The following RAB11FIP4 variants were observed in gnomAD, a reference collection of about 807,000 sequenced individuals.
RAB11FIP4 encodes the protein rab11 family-interacting protein 4.
A neutral mutation model predicts 74.3 loss-of-function variants in RAB11FIP4; 23 were observed. The ratio of observed to expected loss-of-function variants is 0.31; its 90% CI spans 0.22 to 0.44. The LOEUF (loss-of-function observed/expected upper bound fraction) is 0.44. RAB11FIP4 is among the 20% of genes least tolerant of loss of function. The pLI is 1.00. For missense variants in RAB11FIP4, 630 were observed against 863.9 expected (o/e 0.73, Z 3.39); for synonymous variants, 360 against 359.9 (o/e 1.00, Z 0.00).
At chr17:31,463,938 G>T (rs78400003) in intron 3 of RAB11FIP4, among the ~76,000 whole-genome samples, 2,481 of 145,018 alleles carry the variant, frequency 0.017, 86 homozygotes, top group East Asian at 0.16. Context: ...TCTGCCTAAT[G>T]AGTAGCTGGG....
chr17:31,400,484 G>T (rs955803744), intron 1 of RAB11FIP4, among the ~76,000 whole-genome samples: 2 of 152,182 alleles, frequency 1.3e-5, no homozygotes, highest in Non-Finnish European at 2.9e-5. Flanking sequence ...GAGCGGAGGA[G>T]ATACAGGATC....
At chr17:31,461,309 C>A (rs1567663864) in intron 3 of RAB11FIP4, among the ~76,000 whole-genome samples, 2 of 152,160 alleles carry the variant, frequency 1.3e-5, no homozygotes, top group African/African-American at 4.8e-5. Context: ...CCCTACAAAG[C>A]CCTCACCAGT....
intron 3 of RAB11FIP4, among the ~76,000 whole-genome samples, chr17:31,481,148 C>T (rs898940439): frequency 6.6e-6 from 1 of 152,140 alleles, no homozygotes; most frequent in Non-Finnish European, 1.5e-5. Flanking sequence ...GATCCCTTCA[C>T]CTGTGATCAT....
At chr17:31,426,991 C>T (rs2071258849) in intron 1 of RAB11FIP4, among the ~76,000 whole-genome samples, 1 of 149,542 alleles carries the variant, frequency 6.7e-6, no homozygotes, top group Non-Finnish European at 1.5e-5. Flanking sequence ...CGGAATCTTG[C>T]CCTGTCACCC....
intron 1 of RAB11FIP4, among the ~76,000 whole-genome samples, chr17:31,428,016 AG>A (rs1431542130): frequency 6.6e-6 from 1 of 152,216 alleles, no homozygotes; most frequent in Non-Finnish European, 1.5e-5. Context: ...TACCAGGTTC[AG>A]GGAGGTTCAC....
intron 1 of RAB11FIP4, among the ~76,000 whole-genome samples, chr17:31,416,036 G>A (rs1327232996): frequency 2.0e-5 from 3 of 152,242 alleles, no homozygotes; most frequent in Non-Finnish European, 4.4e-5. Flanking sequence ...GCCCAGAGAG[G>A]CAACAGGGCT....
chr17:31,521,819 G>T (rs1341832049), intron 5 of RAB11FIP4, 96 bp from the exon 6 acceptor site: 24 of 1,424,630 alleles, frequency 1.7e-5, no homozygotes, highest in Non-Finnish European at 1.7e-5. Context: ...AGGTTCAAAG[G>T]TACTGGGGAC....
intron 1 of RAB11FIP4, among the ~76,000 whole-genome samples, chr17:31,410,972 G>A (rs1346193819): frequency 6.6e-6 from 1 of 152,212 alleles, no homozygotes; most frequent in Non-Finnish European, 1.5e-5. Flanking sequence ...GATCTGTGTT[G>A]AGATGACAGG....
intron 1 of RAB11FIP4, among the ~76,000 whole-genome samples, chr17:31,411,606 G>A (rs1459957884): frequency 6.6e-6 from 1 of 152,228 alleles, no homozygotes; most frequent in Non-Finnish European, 1.5e-5. Flanking sequence ...CCAGGCCTCT[G>A]AGCTACTTTC....
intron 1 of RAB11FIP4, among the ~76,000 whole-genome samples, chr17:31,418,464 T>TA (rs1273305581): frequency 0.034 from 6 of 174 alleles, no homozygotes; most frequent in Non-Finnish European, 0.1. Context: ...GTTCCCTTGA[T>TA]TTTTTTTTTT....
rs1401951136 is a variant in RAB11FIP4 at position 31,505,495 on chromosome 17, A to G, written c.337-12156A>G. On this transcript the variant is annotated intron_variant, in intron 3 of 14. Coordinates refer to ENST00000621161, the MANE Select transcript of RAB11FIP4 (RefSeq NM_032932.6). ...TAATAATTATAATATATAATATATA[A>G]TTATTATATTATATATAATAATTAT... 4.0e-4 allele frequency among the ~76,000 whole-genome samples: 26 copies of G among 65,360 alleles called. 1 individual carries two copies. The highest frequency in any genetic ancestry group is 1.5e-3 in the African/African-American group (25 of 16,866). The allele number at this position is 65,360 out of a possible 152,430, so 42.9% of individuals were successfully genotyped here.
At chr17:31,527,718 T>G in intron 10 of RAB11FIP4, 124 bp from the exon 11 acceptor site, 1 of 668,052 alleles carries the variant, frequency 1.5e-6, no homozygotes, top group Non-Finnish European at 2.6e-6. Flanking sequence ...ATCATATTCT[T>G]TCTCTCAGTT....
rs1233200249 is a variant in RAB11FIP4 at position 31,537,629 on chromosome 17, T to G, written c.*5897T>G. 1 of 158,050 alleles carries G rather than the reference T, an allele frequency of 6.3e-6. No individual in the cohort carries two copies. Among genetic ancestry groups the G allele is most frequent in the Admixed American group, 6.5e-5 (1 of 15,452 alleles). The allele number at this position is 158,050 out of a possible 1,614,324, so 9.8% of individuals were successfully genotyped here. ...AGGAAGCCCTGTCCATGGTTCCTGG[T>G]GCACGGCCACAGGCCTGCCTTGAGG... On this transcript the variant is annotated 3_prime_UTR_variant, in exon 15 of 15. Transcript: ENST00000621161.
At chr17:31,404,426 G>A (rs900676276) in intron 1 of RAB11FIP4, among the ~76,000 whole-genome samples, 1 of 152,240 alleles carries the variant, frequency 6.6e-6, no homozygotes, top group Non-Finnish European at 1.5e-5. Flanking sequence ...GACACATCTG[G>A]TTTGAGACCC....
intron 3 of RAB11FIP4, among the ~76,000 whole-genome samples, chr17:31,476,721 C>T (rs889761867): frequency 6.6e-6 from 1 of 152,226 alleles, no homozygotes; most frequent in Non-Finnish European, 1.5e-5. Flanking sequence ...GCACTGGCCT[C>T]TCCAGTTTCT....
intron 4 of RAB11FIP4, among the ~76,000 whole-genome samples, chr17:31,518,093 G>C (rs2072594515): frequency 6.6e-6 from 1 of 152,168 alleles, no homozygotes; most frequent in African/African-American, 2.4e-5. Context: ...GCAAAGTCAA[G>C]TTTTTAAATT....
intron 3 of RAB11FIP4, chr17:31,448,415 A>G (rs1024970444): frequency 6.7e-5 from 2 of 29,914 alleles, no homozygotes; most frequent in African/African-American, 2.2e-4. Flanking sequence ...TTTTTTTGGC[A>G]GAGACCGGGT....
At chr17:31,523,746 A>T in intron 8 of RAB11FIP4, 135 bp downstream of exon 8, 1 of 1,043,030 alleles carries the variant, frequency 9.6e-7, no homozygotes, top group Non-Finnish European at 1.5e-6. Context: ...GGCCCTGGTC[A>T]CGTGTTCCCC....
chr17:31,461,044 G>C (rs1296211990), intron 3 of RAB11FIP4, among the ~76,000 whole-genome samples: 1 of 150,514 alleles, frequency 6.6e-6, no homozygotes, highest in Admixed American at 6.6e-5. Context: ...CAGACCTCCA[G>C]AGCCCCCACA....
Sources: gnomAD v4.1 joint callset for allele counts (sites outside exome capture counted in the v4.1 genomes callset) on GRCh38, gnomAD v4.1.1 for gene constraint, MANE v1.5 for transcripts, NCBI Gene and HGNC (gene_info 2026-07-23, HGNC 2026-07-21) for gene names.